GRIK4: variants seen among roughly 807,000 people sequenced by gnomAD.
GRIK4 encodes the protein glutamate ionotropic receptor kainate type subunit 4.
In GRIK4, 40 loss-of-function variants were observed where a neutral mutation model predicts 104.9. The ratio of observed to expected loss-of-function variants is 0.38; its 90% CI spans 0.30 to 0.50. GRIK4 has a LOEUF of 0.50. Ranked by LOEUF, GRIK4 falls within the 20% of genes least tolerant of loss-of-function variation. The pLI, the probability that GRIK4 is intolerant of heterozygous loss-of-function variation, is 0.93. For missense variants in GRIK4, 1,047 were observed against 1,308.1 expected (o/e 0.80, Z 3.08); for synonymous variants, 485 against 524.9 (o/e 0.92, Z 1.04).
At chr11:120,536,508 T>A (rs759297063) in intron 1 of GRIK4, among the ~76,000 whole-genome samples, 1 of 152,144 alleles carries the variant, frequency 6.6e-6, no homozygotes, top group South Asian at 2.1e-4. Context: ...TGATTACAGA[T>A]TGGGGGGGCC....
At chr11:120,800,554 G>T (rs1952603312) in intron 3 of GRIK4, among the ~76,000 whole-genome samples, 1 of 152,178 alleles carries the variant, frequency 6.6e-6, no homozygotes, top group Non-Finnish European at 1.5e-5. Context: ...ATCACCCCAG[G>T]TATGCGTGGA....
chr11:120,725,384 A>T (rs993063359), intron 3 of GRIK4, among the ~76,000 whole-genome samples: 1 of 152,210 alleles, frequency 6.6e-6, no homozygotes, highest in African/African-American at 2.4e-5. Context: ...TGTTCCCCAC[A>T]TAGAAAGCCA....
chr11:120,572,271 G>A (rs184745347), intron 1 of GRIK4, among the ~76,000 whole-genome samples: 8 of 152,280 alleles, frequency 5.3e-5, no homozygotes, highest in Middle Eastern at 3.4e-3. Flanking sequence ...ACCTTGGGGG[G>A]TAAGACGTTC....
At chr11:120,760,773 A>G (rs2135439805) in intron 3 of GRIK4, among the ~76,000 whole-genome samples, 1 of 151,838 alleles carries the variant, frequency 6.6e-6, no homozygotes, top group South Asian at 2.1e-4. Flanking sequence ...AAGGACACGA[A>G]CTCATTCTTT....
At chr11:120,670,471 T>TCATGCCA (rs1949995928) in intron 3 of GRIK4, among the ~76,000 whole-genome samples, 1 of 152,224 alleles carries the variant, frequency 6.6e-6, no homozygotes, top group South Asian at 2.1e-4. Context: ...TGCCTCTCAC[T>TCATGCCA]CATGCCACAC....
At chr11:120,519,446 A>C (rs537659974) in intron 1 of GRIK4, among the ~76,000 whole-genome samples, 1 of 152,306 alleles carries the variant, frequency 6.6e-6, no homozygotes, top group African/African-American at 2.4e-5. Flanking sequence ...GTGAGCACAC[A>C]GTGAGGAGGC....
At chr11:120,874,022 C>T (rs771882593) in intron 9 of GRIK4, 44 bp from the exon 10 acceptor site, 123 of 1,559,534 alleles carry the variant, frequency 7.9e-5, no homozygotes, top group Non-Finnish European at 1.1e-4. Flanking sequence ...TCTTCCTCTA[C>T]ACCTCTCACT....
intron 1 of GRIK4, among the ~76,000 whole-genome samples, chr11:120,527,586 G>A (rs1387655717): frequency 6.6e-6 from 1 of 152,228 alleles, no homozygotes; most frequent in Non-Finnish European, 1.5e-5. Context: ...CATCCTCCAG[G>A]GGCGGGCTGG....
At chr11:120,638,093 T>C (rs774093392) in intron 1 of GRIK4, among the ~76,000 whole-genome samples, 16 of 152,178 alleles carry the variant, frequency 1.1e-4, no homozygotes, top group Non-Finnish European at 2.4e-4. Context: ...TTGGCCAGGC[T>C]GGTCTCGAAC....
intron 1 of GRIK4, among the ~76,000 whole-genome samples, chr11:120,636,845 A>AC (rs1304240067): frequency 1.3e-5 from 2 of 151,744 alleles, no homozygotes; most frequent in African/African-American, 4.9e-5. Flanking sequence ...GTCTCAAAAA[A>AC]AAAAGAAAGG....
chr11:120,865,727 A>G (rs1333936499), intron 9 of GRIK4, among the ~76,000 whole-genome samples: 2 of 152,254 alleles, frequency 1.3e-5, no homozygotes, highest in East Asian at 1.9e-4. Context: ...GCAAAGGCAC[A>G]TGGTAAAAAG....
intron 13 of GRIK4, among the ~76,000 whole-genome samples, chr11:120,916,292 C>G (rs1397945818): frequency 6.6e-6 from 1 of 151,648 alleles, no homozygotes; most frequent in Non-Finnish European, 1.5e-5. Flanking sequence ...GCTAAAAAGG[C>G]AGACAGATGC....
At chr11:120,746,138 A>C (rs893664160) in intron 3 of GRIK4, among the ~76,000 whole-genome samples, 3 of 152,208 alleles carry the variant, frequency 2.0e-5, no homozygotes, top group Non-Finnish European at 4.4e-5. Context: ...CATAAATGTC[A>C]GTGTCTTTAT....
intron 1 of GRIK4, among the ~76,000 whole-genome samples, chr11:120,563,106 A>G (rs1948260841): frequency 6.6e-6 from 1 of 152,128 alleles, no homozygotes; most frequent in Non-Finnish European, 1.5e-5. Flanking sequence ...CCTGGGTAAA[A>G]CCCGGGAATC....
intron 1 of GRIK4, among the ~76,000 whole-genome samples, chr11:120,525,324 C>T (rs1319267259): frequency 6.6e-6 from 1 of 152,122 alleles, no homozygotes; most frequent in Non-Finnish European, 1.5e-5. Flanking sequence ...AAATGGGGTC[C>T]CCTGGCCGCT....
At chr11:120,684,777 C>G (rs575472932) in intron 3 of GRIK4, among the ~76,000 whole-genome samples, 1 of 152,150 alleles carries the variant, frequency 6.6e-6, no homozygotes, top group South Asian at 2.1e-4. Context: ...GTGGCGCGAT[C>G]TCAGCTCACT....
chr11:120,612,859 G>A (rs529728251), intron 1 of GRIK4, among the ~76,000 whole-genome samples: 1 of 152,330 alleles, frequency 6.6e-6, no homozygotes, highest in East Asian at 1.9e-4. Flanking sequence ...AGCTTCCACC[G>A]TGTGTAGAGC....
At chr11:120,519,997 A>T (rs1392719412) in intron 1 of GRIK4, among the ~76,000 whole-genome samples, 3 of 150,366 alleles carry the variant, frequency 2.0e-5, no homozygotes, top group Non-Finnish European at 2.9e-5. Flanking sequence ...GGTTCAAGCG[A>T]TTCTACTGCC....
At chr11:120,772,307 C>T (rs961743135) in intron 3 of GRIK4, among the ~76,000 whole-genome samples, 2 of 152,112 alleles carry the variant, frequency 1.3e-5, no homozygotes, top group African/African-American at 4.8e-5. Flanking sequence ...ATTCCAGAGG[C>T]GGGGAAGTCC....
Sources: gnomAD v4.1 joint callset for allele counts (sites outside exome capture counted in the v4.1 genomes callset) on GRCh38, gnomAD v4.1.1 for gene constraint, MANE v1.5 for transcripts, NCBI Gene and HGNC (gene_info 2026-07-23, HGNC 2026-07-21) for gene names.